Variants in ZNF69 observed in about 807,000 individuals in gnomAD.
ZNF69 encodes ZNF3.
Under a neutral mutation model 50.9 loss-of-function variants are expected in ZNF69, and 47 were observed. The observed-to-expected ratio is 0.92, with a 90% CI of 0.73 to 1.18. The LOEUF (loss-of-function observed/expected upper bound fraction) is 1.18. Among genes scored for constraint, ZNF69 ranks in the 50% most tolerant of loss-of-function variants. The pLI, the probability that ZNF69 is intolerant of heterozygous loss-of-function variation, is 0.00. For missense variants in ZNF69, 717 were observed against 675.1 expected (o/e 1.06, Z -0.69); for synonymous variants, 216 against 223.1 (o/e 0.97, Z 0.29).
intron 1 of ZNF69, among the ~76,000 whole-genome samples, chr19:11,896,608 T>A (rs1972128329): frequency 6.6e-6 from 1 of 152,152 alleles, no homozygotes. Flanking sequence ...ACTAATCTCA[T>A]TCAGAAAGGA....
the ZNF69 span, chr19:11,976,863 A>AAAC: frequency 1.4e-6 from 2 of 1,461,802 alleles, no homozygotes; most frequent in African/African-American, 1.4e-5. Flanking sequence ...ATCCATCTCA[A>AAAC]AACAACAACA....
the ZNF69 span, among the ~76,000 whole-genome samples, chr19:11,937,710 G>A: frequency 1.8e-4 from 28 of 151,896 alleles, no homozygotes; most frequent in Non-Finnish European, 3.1e-4. Flanking sequence ...GGATGGTCTC[G>A]ATCTCCTGAC....
At chr19:11,944,177 T>C in the ZNF69 span, among the ~76,000 whole-genome samples, 5 of 152,184 alleles carry the variant, frequency 3.3e-5, no homozygotes, top group Non-Finnish European at 7.3e-5. Context: ...GTGTAATTTT[T>C]CGTAAGGCCT....
the ZNF69 span, among the ~76,000 whole-genome samples, chr19:11,940,894 G>C: frequency 2.0e-5 from 3 of 152,242 alleles, no homozygotes; most frequent in East Asian, 5.8e-4. Context: ...CACCAGAATA[G>C]CTAGGTACAG....
chr19:11,978,667 GAA>G, the ZNF69 span: 1 of 1,614,102 alleles, frequency 6.2e-7, no homozygotes, highest in Non-Finnish European at 8.5e-7. Context: ...ATACATGAAA[GAA>G]CTCACACTGG....
At chr19:11,928,482 C>T in the ZNF69 span, among the ~76,000 whole-genome samples, 8 of 149,646 alleles carry the variant, frequency 5.3e-5, no homozygotes, top group Non-Finnish European at 1.0e-4. Flanking sequence ...CCTGTAATCC[C>T]AGCACTTTGG....
chr19:11,958,701 G>C, the ZNF69 span, among the ~76,000 whole-genome samples: 2 of 152,178 alleles, frequency 1.3e-5, no homozygotes, highest in Non-Finnish European at 2.9e-5. Flanking sequence ...TGTCTCCACA[G>C]TCCAAGTGGT....
At chr19:11,963,391 G>A in the ZNF69 span, among the ~76,000 whole-genome samples, 185 of 152,204 alleles carry the variant, frequency 1.2e-3, no homozygotes, top group Non-Finnish European at 6.8e-4. Context: ...CATGGTATCC[G>A]GCCTCCCAGG....
chr19:11,912,091 C>G (rs979731928), intron 4 of ZNF69, among the ~76,000 whole-genome samples: 1 of 152,084 alleles, frequency 6.6e-6, no homozygotes, highest in Non-Finnish European at 1.5e-5. Context: ...CATGGTAGGA[C>G]TCACACTGGA....
the ZNF69 span, among the ~76,000 whole-genome samples, chr19:11,960,335 A>G: frequency 6.6e-6 from 1 of 152,014 alleles, no homozygotes; most frequent in Non-Finnish European, 1.5e-5. Context: ...TCTTGTTTTT[A>G]ATTTGAGACA....
chr19:11,925,294 G>A, the ZNF69 span: 1 of 1,610,374 alleles, frequency 6.2e-7, no homozygotes, highest in Non-Finnish European at 8.5e-7. Flanking sequence ...GGGACCAGAT[G>A]TCGTGAGACG....
chr19:11,906,584 C>A lies in ZNF69; in HGVS notation c.*486C>A, dbSNP rs1361509880. On this transcript the variant is annotated 3_prime_UTR_variant, in exon 4 of 4. Coordinates refer to ENST00000429654, the MANE Select transcript of ZNF69 (RefSeq NM_001364730.1). ...AACAGGGTCTGGAGTGGACCTCAAGCAAAATCCAACAGACCTCAGCTGAGG... is the reference window on the plus strand; with the variant it reads ...AACAGGGTCTGGAGTGGACCTCAAGAAAAATCCAACAGACCTCAGCTGAGG... Among the ~76,000 whole-genome samples the A allele has an allele frequency of 6.6e-6, 1 of 152,174 alleles. No individual in the cohort carries two copies. The highest frequency in any genetic ancestry group is 2.4e-5 in the African/African-American group (1 of 41,440).
At chr19:11,947,222 G>T in the ZNF69 span, 4 of 1,614,038 alleles carry the variant, frequency 2.5e-6, no homozygotes, top group Admixed American at 6.7e-5. Flanking sequence ...ACTTCACCCA[G>T]GAAGAGTGGA....
At chr19:11,901,101 G>A (rs904893492) in intron 1 of ZNF69, among the ~76,000 whole-genome samples, 10 of 152,112 alleles carry the variant, frequency 6.6e-5, no homozygotes, top group Non-Finnish European at 1.2e-4. Flanking sequence ...TTATTATGGA[G>A]ACAGGGTCTC....
At chr19:11,901,011 G>A (rs904181304) in intron 1 of ZNF69, among the ~76,000 whole-genome samples, 1 of 152,134 alleles carries the variant, frequency 6.6e-6, no homozygotes, top group Non-Finnish European at 1.5e-5. Flanking sequence ...GCAGTTCTGT[G>A]TCTAATTCAT....
In ZNF69 at chr19:11,904,621, T is replaced by C; in HGVS notation, c.252-28T>C. ...TATAAAATTACTTATAAACAAACCC[T>C]TTGTAATGTGCTTCTCATTTTTGAC... On this transcript the variant is annotated intron_variant, in intron 3 of 3. Coordinates refer to ENST00000429654, the MANE Select transcript of ZNF69 (RefSeq NM_001364730.1). 1.9e-6 allele frequency: 3 copies of C among 1,601,952 alleles called. No homozygotes were observed. In the South Asian group the frequency reaches 3.4e-5, roughly 18 times the overall value.
At position 11,906,363 on chromosome 19, in the gene ZNF69, G is replaced by A; in HGVS notation, c.*265G>A. ...GCATGGAGTTTGAGATCTAAGAATG[G>A]ACAGTCTGCCTCCTCAAGTGGGTCC... On this transcript the variant is annotated 3_prime_UTR_variant, in exon 4 of 4. Transcript: ENST00000429654. 7 of 916,600 alleles carry A rather than the reference G, an allele frequency of 7.6e-6. No homozygotes were observed. The highest frequency in any genetic ancestry group is 1.0e-5 in the Non-Finnish European group (7 of 702,788). The allele number at this position is 916,600 out of a possible 1,614,324, so 56.8% of individuals were successfully genotyped here.
At chr19:11,936,145 G>A in the ZNF69 span, among the ~76,000 whole-genome samples, 1 of 151,988 alleles carries the variant, frequency 6.6e-6, no homozygotes, top group Non-Finnish European at 1.5e-5. Context: ...CTTTGCTATT[G>A]TGAATAGTGA....
the ZNF69 span, chr19:11,948,265 A>G: frequency 2.5e-6 from 4 of 1,608,456 alleles, no homozygotes; most frequent in South Asian, 1.1e-5. Flanking sequence ...TGTGTTTCTC[A>G]TGTTTTACAG....
Sources: allele counts gnomAD v4.1 joint callset (sites outside exome capture counted in the v4.1 genomes callset), GRCh38; gene constraint gnomAD v4.1.1; transcripts MANE v1.5; gene names NCBI Gene and HGNC (gene_info 2026-07-23, HGNC 2026-07-21).